Variants in DGKB observed in about 807,000 individuals in gnomAD.
DGKB encodes diacylglycerol kinase beta.
In DGKB, 67 loss-of-function variants were observed where a neutral mutation model predicts 114.3. That is an observed-to-expected ratio of 0.59 (90% CI 0.48 to 0.72). The LOEUF (loss-of-function observed/expected upper bound fraction) is 0.72, where lower values mean the gene tolerates loss of function less well. DGKB is among the 30% of genes least tolerant of loss of function. The pLI is 0.00. For missense variants in DGKB, 907 were observed against 975.2 expected, an observed-to-expected ratio of 0.93 and a Z score of 0.93; for synonymous variants, 398 against 323.1, an observed-to-expected ratio of 1.23 and a Z score of -2.49.
chr7:14,263,965 A>G (rs4721315), intron 23 of DGKB, among the ~76,000 whole-genome samples: 74,986 of 152,042 alleles, frequency 0.49, 20,770 homozygotes, highest in East Asian at 0.78. Context: ...TTAGAAAAAA[A>G]TCTTTTGCGG....
rs1829124894 is a variant in DGKB at position 14,435,623 on chromosome 7, C to G, written c.1835+42538G>C. 2.0e-5 allele frequency among the ~76,000 whole-genome samples: 3 copies of G among 151,968 alleles called. 1 individual carries two copies. The South Asian group carries it at 6.2e-4, about 31-fold the overall frequency. On this transcript the variant is annotated intron_variant, in intron 21 of 25. Transcript: ENST00000402815. ...ATAAATATTGTCCTGAAAAAGCTCC[C>G]AACATTATATTCAATGCCATGTTAT...
chr7:14,780,484 C>T (rs1357851888), intron 2 of DGKB, among the ~76,000 whole-genome samples: 1 of 152,158 alleles, frequency 6.6e-6, no homozygotes, highest in African/African-American at 2.4e-5. Context: ...CCTGAGAGAG[C>T]AGTTGTGATG....
intron 20 of DGKB, among the ~76,000 whole-genome samples, chr7:14,532,135 C>T (rs79219910): frequency 5.3e-5 from 8 of 151,088 alleles, no homozygotes; most frequent in East Asian, 1.9e-4. Context: ...AAATTCTTCA[C>T]GACCTTTGGG....
chr7:14,879,373 G>A (rs901488825), intron 1 of DGKB, among the ~76,000 whole-genome samples: 1 of 149,410 alleles, frequency 6.7e-6, no homozygotes, highest in Non-Finnish European at 1.5e-5. Flanking sequence ...TCATTTGAAC[G>A]ACTGTTTCTA....
chr7:14,968,440 A>G (rs1336710933), intron 1 of DGKB, among the ~76,000 whole-genome samples: 1 of 152,200 alleles, frequency 6.6e-6, no homozygotes, highest in Non-Finnish European at 1.5e-5. Flanking sequence ...AAATTGTAAG[A>G]TTTCAAGAGG....
intron 1 of DGKB, among the ~76,000 whole-genome samples, chr7:14,893,290 C>T (rs545836072): frequency 6.6e-6 from 1 of 151,390 alleles, no homozygotes; most frequent in African/African-American, 2.4e-5. Context: ...TTTTAGTTCT[C>T]ATCTCAATTA....
At chr7:14,868,540 T>G (rs1852006325) in intron 1 of DGKB, among the ~76,000 whole-genome samples, 1 of 152,066 alleles carries the variant, frequency 6.6e-6, no homozygotes, top group Non-Finnish European at 1.5e-5. Context: ...TTCACCATGT[T>G]GGCTAGGCTG....
intron 23 of DGKB, among the ~76,000 whole-genome samples, chr7:14,186,088 A>G (rs185338893): frequency 2.6e-5 from 4 of 152,360 alleles, no homozygotes; most frequent in African/African-American, 9.6e-5. Context: ...GACAACCCAC[A>G]AAGTGGGAGA....
At chr7:14,861,187 G>A (rs1012117917) in intron 1 of DGKB, among the ~76,000 whole-genome samples, 1 of 151,766 alleles carries the variant, frequency 6.6e-6, no homozygotes, top group Non-Finnish European at 1.5e-5. Context: ...TACTGTTTGA[G>A]TATTTTATAT....
At chr7:14,536,382 C>T (rs1463412652) in intron 20 of DGKB, among the ~76,000 whole-genome samples, 1 of 152,084 alleles carries the variant, frequency 6.6e-6, no homozygotes, top group Non-Finnish European at 1.5e-5. Flanking sequence ...AATGCAATAT[C>T]CCTAATTAAC....
chr7:14,919,148 A>T (rs1587380727), intron 1 of DGKB, among the ~76,000 whole-genome samples: 1 of 151,554 alleles, frequency 6.6e-6, no homozygotes, highest in South Asian at 2.1e-4. Context: ...AAGACAAAAA[A>T]GACCCAGAAA....
intron 4 of DGKB, among the ~76,000 whole-genome samples, chr7:14,740,676 A>G (rs1200802192): frequency 6.6e-6 from 1 of 152,148 alleles, no homozygotes; most frequent in Non-Finnish European, 1.5e-5. Flanking sequence ...CAAGCCTCCC[A>G]TATCATGGAT....
At chr7:14,795,591 G>A (rs931524411) in intron 2 of DGKB, among the ~76,000 whole-genome samples, 3 of 152,250 alleles carry the variant, frequency 2.0e-5, no homozygotes, top group Admixed American at 2.0e-4. Context: ...ACCTCAGAGT[G>A]GGAACTGTAG....
At chr7:14,554,287 C>T (rs970000404) in intron 20 of DGKB, among the ~76,000 whole-genome samples, 16 of 152,044 alleles carry the variant, frequency 1.1e-4, no homozygotes, top group African/African-American at 3.1e-4. Context: ...TTAAAAGTCC[C>T]GAACAACTCC....
intron 21 of DGKB, among the ~76,000 whole-genome samples, chr7:14,474,294 T>C (rs1249452870): frequency 6.6e-6 from 1 of 152,154 alleles, no homozygotes; most frequent in Non-Finnish European, 1.5e-5. Context: ...CTCTCTCTCT[T>C]TGCCTGCTGC....
At chr7:14,213,570 G>A (rs1562637906) in intron 23 of DGKB, among the ~76,000 whole-genome samples, 1 of 152,132 alleles carries the variant, frequency 6.6e-6, no homozygotes, top group Non-Finnish European at 1.5e-5. Flanking sequence ...CAGTATAATA[G>A]CATTTCCCCT....
intron 23 of DGKB, among the ~76,000 whole-genome samples, chr7:14,307,762 T>C (rs920961119): frequency 6.6e-6 from 1 of 152,194 alleles, no homozygotes; most frequent in African/African-American, 2.4e-5. Context: ...CAGAATTATA[T>C]CACATAGAGT....
rs766631995 is a variant in DGKB at position 14,574,383 on chromosome 7, A to G, written c.1610-11T>C. The G allele has an allele frequency of 5.8e-5, 93 of 1,599,246 alleles. No homozygotes were observed. The Admixed American group carries it at 6.8e-4, about 12-fold the overall frequency. On this transcript the variant is annotated splice_polypyrimidine_tract_variant and intron_variant, in intron 19 of 25. Coordinates refer to ENST00000402815, the MANE Select transcript of DGKB (RefSeq NM_001350709.2). ...TCTCACCTTCGTAACCTAGTGGGAA[A>G]AAAAAATACCTTGAGAAAAGAACTC...
chr7:14,882,679 G>C (rs1444340690), intron 1 of DGKB, among the ~76,000 whole-genome samples: 1 of 151,878 alleles, frequency 6.6e-6, no homozygotes, highest in African/African-American at 2.4e-5. Context: ...TTATGAGTAA[G>C]AGTATGCAAT....
Sources: gnomAD v4.1 joint callset for allele counts (sites outside exome capture counted in the v4.1 genomes callset) on GRCh38, gnomAD v4.1.1 for gene constraint, MANE v1.5 for transcripts, NCBI Gene and HGNC (gene_info 2026-07-23, HGNC 2026-07-21) for gene names.